PTPRD: variants seen among roughly 807,000 people sequenced by gnomAD.
PTPRD encodes protein tyrosine phosphatase receptor type D.
A neutral mutation model predicts 214.5 loss-of-function variants in PTPRD; 34 were observed. That is an observed-to-expected ratio of 0.16 (90% CI 0.12 to 0.21). The LOEUF is 0.21. PTPRD is among the 10% of genes least tolerant of loss of function. The pLI is 1.00. For missense variants in PTPRD, 2,545 were observed against 2,398.7 expected, an observed-to-expected ratio of 1.06 and a Z score of -1.27; for synonymous variants, 1,128 against 845.7, an observed-to-expected ratio of 1.33 and a Z score of -5.79.
chr9:10,433,187 C>A (rs966594287), intron 2 of PTPRD, among the ~76,000 whole-genome samples: 1 of 151,600 alleles, frequency 6.6e-6, no homozygotes, highest in Non-Finnish European at 1.5e-5. Flanking sequence ...GGAAAGAGAC[C>A]TTATTACCTT....
At chr9:9,488,328 C>A (rs138507640) in intron 8 of PTPRD, among the ~76,000 whole-genome samples, 408 of 152,220 alleles carry the variant, frequency 2.7e-3, no homozygotes, top group African/African-American at 8.6e-3. Context: ...TCTACAATTT[C>A]TTTTGCTGCT....
At chr9:8,850,300 C>A (rs1434438463) in intron 11 of PTPRD, among the ~76,000 whole-genome samples, 3 of 151,866 alleles carry the variant, frequency 2.0e-5, no homozygotes, top group Non-Finnish European at 4.4e-5. Flanking sequence ...AGTGGATAGA[C>A]ATATGGCAGG....
At position 10,072,451 on chromosome 9, in the gene PTPRD, C is replaced by T. The variant is rs927785507; in HGVS notation, c.-544-38661G>A. On this transcript the variant is annotated intron_variant, in intron 3 of 45. Transcript: ENST00000381196. ...AGCGTTATAGCTCTTCAAGATGGCA[C>T]GAACCCAAAGAGAGAGCAGCAACAA... 5.6e-4 allele frequency among the ~76,000 whole-genome samples: 85 copies of T among 152,114 alleles called. 1 individual carries two copies. The highest frequency in any genetic ancestry group is 4.4e-3 in the Admixed American group (67 of 15,250).
intron 2 of PTPRD, among the ~76,000 whole-genome samples, chr9:10,543,562 G>C (rs1466548123): frequency 6.6e-6 from 1 of 151,446 alleles, no homozygotes; most frequent in Non-Finnish European, 1.5e-5. Flanking sequence ...ATATGTTTAT[G>C]ACCACAGATG....
At chr9:10,003,573 C>A (rs544941079) in intron 4 of PTPRD, among the ~76,000 whole-genome samples, 1 of 151,656 alleles carries the variant, frequency 6.6e-6, no homozygotes, top group South Asian at 2.1e-4. Flanking sequence ...AAGATAGAAT[C>A]TCAACTTATT....
In PTPRD at chr9:10,087,586, T is replaced by A. The variant is rs919560364; in HGVS notation, c.-544-53796A>T. On this transcript the variant is annotated intron_variant, in intron 3 of 45. Coordinates refer to ENST00000381196, the MANE Select transcript of PTPRD (RefSeq NM_002839.4). ...TGGTAACACTAAGAGACTAATATTA[T>A]AATAACTGATCTTCCGGAGTGCTAT... is the stretch of plus-strand genomic sequence containing the variant. 6.6e-5 allele frequency among the ~76,000 whole-genome samples: 10 copies of A among 151,786 alleles called. No individual in the cohort carries two copies. In the South Asian group the frequency reaches 2.1e-3, roughly 31 times the overall value.
intron 6 of PTPRD, among the ~76,000 whole-genome samples, chr9:9,740,244 C>T (rs1415077510): frequency 6.6e-6 from 1 of 152,162 alleles, no homozygotes; most frequent in Non-Finnish European, 1.5e-5. Flanking sequence ...CTATAAGCTA[C>T]ATCATTTTTC....
At chr9:9,844,795 T>C (rs1311105223) in intron 5 of PTPRD, among the ~76,000 whole-genome samples, 2 of 151,660 alleles carry the variant, frequency 1.3e-5, no homozygotes, top group African/African-American at 4.8e-5. Flanking sequence ...AAACTTGTTA[T>C]TGAGGTGAGC....
At chr9:8,428,567 A>G (rs939477630) in intron 35 of PTPRD, among the ~76,000 whole-genome samples, 5 of 152,162 alleles carry the variant, frequency 3.3e-5, no homozygotes, top group Admixed American at 6.5e-5. Context: ...CACTTTGCAT[A>G]AAAGATGAAA....
intron 10 of PTPRD, among the ~76,000 whole-genome samples, chr9:9,168,761 T>A (rs1304634931): frequency 2.0e-5 from 3 of 152,126 alleles, no homozygotes; most frequent in Non-Finnish European, 4.4e-5. Context: ...TATTTTCAAC[T>A]TCATGCTTTA....
At chr9:9,076,310 G>C (rs2099751101) in intron 10 of PTPRD, among the ~76,000 whole-genome samples, 1 of 152,090 alleles carries the variant, frequency 6.6e-6, no homozygotes, top group Non-Finnish European at 1.5e-5. Flanking sequence ...CAGACGGGGA[G>C]ATTGCAAAAA....
At chr9:8,656,484 T>C (rs1049295895) in intron 12 of PTPRD, among the ~76,000 whole-genome samples, 4 of 152,164 alleles carry the variant, frequency 2.6e-5, no homozygotes, top group African/African-American at 9.7e-5. Flanking sequence ...AGATTTACCT[T>C]GACCTTAGGA....
chr9:9,649,343 G>A (rs528266210), intron 7 of PTPRD, among the ~76,000 whole-genome samples: 26 of 152,114 alleles, frequency 1.7e-4, no homozygotes, highest in Non-Finnish European at 2.8e-4. Flanking sequence ...GTCAAATAAT[G>A]TGTACACTCT....
intron 8 of PTPRD, among the ~76,000 whole-genome samples, chr9:9,524,044 G>A (rs1225704348): frequency 1.3e-5 from 2 of 152,132 alleles, no homozygotes; most frequent in African/African-American, 2.4e-5. Flanking sequence ...ATGCAAAACA[G>A]AATCAAGTTA....
At chr9:9,936,969 A>T (rs199821334) in intron 5 of PTPRD, among the ~76,000 whole-genome samples, 2 of 151,206 alleles carry the variant, frequency 1.3e-5, no homozygotes, top group African/African-American at 4.9e-5. Context: ...GTAAACTATC[A>T]CAAGAACAAA....
chr9:8,620,914 G>A (rs972613875), intron 14 of PTPRD, among the ~76,000 whole-genome samples: 2 of 151,978 alleles, frequency 1.3e-5, no homozygotes, highest in Non-Finnish European at 2.9e-5. Context: ...AAAGTACAAT[G>A]CAGTTCTTAG....
At chr9:9,692,018 T>C (rs2097281087) in intron 7 of PTPRD, among the ~76,000 whole-genome samples, 1 of 152,080 alleles carries the variant, frequency 6.6e-6, no homozygotes, top group Non-Finnish European at 1.5e-5. Flanking sequence ...TATACTCTGG[T>C]TATTAATCTC....
chr9:9,135,524 G>GAGAGAA (rs138456659), intron 10 of PTPRD, among the ~76,000 whole-genome samples: 5,976 of 152,162 alleles, frequency 0.039, 248 homozygotes, highest in African/African-American at 0.094. Context: ...GTTAGTGCTG[G>GAGAGAA]AGAGAAAGAA....
intron 10 of PTPRD, among the ~76,000 whole-genome samples, chr9:9,120,075 C>G (rs1050699217): frequency 6.6e-6 from 1 of 152,112 alleles, no homozygotes; most frequent in Non-Finnish European, 1.5e-5. Context: ...AAGATGCCAA[C>G]AGGTAGACAT....
Sources: allele counts gnomAD v4.1 joint callset (sites outside exome capture counted in the v4.1 genomes callset), GRCh38; gene constraint gnomAD v4.1.1; transcripts MANE v1.5; gene names NCBI Gene and HGNC (gene_info 2026-07-23, HGNC 2026-07-21).